TDRD12: variants seen among roughly 807,000 people sequenced by gnomAD.
TDRD12 encodes the protein tudor domain containing 12.
Under a neutral mutation model 133.5 loss-of-function variants are expected in TDRD12, and 158 were observed. The observed-to-expected ratio is 1.18, with a 90% CI of 1.04 to 1.35. The LOEUF (loss-of-function observed/expected upper bound fraction) is 1.35. TDRD12 is among the 40% of genes most tolerant of loss of function. The pLI, the probability that TDRD12 is intolerant of heterozygous loss-of-function variation, is 0.00. For synonymous variants in TDRD12, 460 were observed against 477.9 expected, an observed-to-expected ratio of 0.96 and a Z score of 0.49; for missense variants, 1,443 against 1,321.3, an observed-to-expected ratio of 1.09 and a Z score of -1.43.
intron 21 of TDRD12, among the ~76,000 whole-genome samples, chr19:32,805,498 C>T (rs1195687632): frequency 1.3e-5 from 2 of 151,936 alleles, no homozygotes; most frequent in Non-Finnish European, 2.9e-5. Context: ...AAATATCATT[C>T]GGTTCTCACT....
chr19:32,813,474 G>A (rs756131486), intron 24 of TDRD12, among the ~76,000 whole-genome samples: 56 of 152,174 alleles, frequency 3.7e-4, no homozygotes, highest in Non-Finnish European at 6.0e-4. Context: ...TCACTAGTAC[G>A]AGGCCATGGG....
chr19:32,749,982 T>G (rs1555765569), intron 6 of TDRD12, 113 bp downstream of exon 6: 1 of 780,220 alleles, frequency 1.3e-6, no homozygotes, highest in Non-Finnish European at 2.0e-6. Flanking sequence ...GAAATTGTCT[T>G]AATCTCTTAA....
At chr19:32,805,785 G>A (rs1269422441) in intron 21 of TDRD12, among the ~76,000 whole-genome samples, 1 of 143,338 alleles carries the variant, frequency 7.0e-6, no homozygotes, top group African/African-American at 2.6e-5. Flanking sequence ...AGGCTGGAGT[G>A]CAGTGGCATG....
At chr19:32,788,855 G>T (rs943602008) in intron 11 of TDRD12, among the ~76,000 whole-genome samples, 1 of 152,160 alleles carries the variant, frequency 6.6e-6, no homozygotes, top group East Asian at 1.9e-4. Flanking sequence ...CCAAGGGAAG[G>T]CTTCTCCTGT....
chr19:32,777,139 T>TC lies in TDRD12; in HGVS notation c.1041-9dup. ...ACAAATTTTAATGAATTTTTTTTTT[T>TC]CATTTCTAGTGCTTTAAGTCAGAAG... On this transcript the variant is annotated splice_polypyrimidine_tract_variant and intron_variant, in intron 10 of 27. Coordinates refer to ENST00000444215, the Ensembl canonical transcript of TDRD12. 1 of 1,521,686 alleles carries TC rather than the reference T, an allele frequency of 6.6e-7. No individual in the cohort carries two copies. Among genetic ancestry groups the TC allele is most frequent in the Admixed American group, 2.3e-5 (1 of 44,126 alleles). The allele number at this position is 1,521,686 out of a possible 1,614,324, so 94.3% of individuals were successfully genotyped here.
intron 7 of TDRD12, among the ~76,000 whole-genome samples, chr19:32,756,621 C>T (rs1970003059): frequency 6.6e-6 from 1 of 152,252 alleles, no homozygotes; most frequent in African/African-American, 2.4e-5. Flanking sequence ...ATCTCCTGAC[C>T]TCATGATCCG....
chr19:32,724,754 G>A (rs1968806297), intron 1 of TDRD12, among the ~76,000 whole-genome samples: 1 of 151,992 alleles, frequency 6.6e-6, no homozygotes, highest in African/African-American at 2.4e-5. Flanking sequence ...GGGATTGCTG[G>A]GTTTTTCTGG....
chr19:32,752,474 C>G (rs1969860567), intron 6 of TDRD12, among the ~76,000 whole-genome samples: 1 of 152,174 alleles, frequency 6.6e-6, no homozygotes, highest in Non-Finnish European at 1.5e-5. Flanking sequence ...GCCACCGTGC[C>G]TGGCCCCCTT....
intron 19 of TDRD12, 119 bp from the exon 20 acceptor site, chr19:32,802,537 G>A (rs1971428731): frequency 1.7e-6 from 2 of 1,174,028 alleles, no homozygotes; most frequent in African/African-American, 1.5e-5. Flanking sequence ...AAGTTTCTTT[G>A]CATCCAAAAA....
chr19:32,746,889 T>TGTGA (rs1969658395), intron 4 of TDRD12, among the ~76,000 whole-genome samples: 1 of 134,836 alleles, frequency 7.4e-6, no homozygotes, highest in Non-Finnish European at 1.6e-5. Flanking sequence ...TGTGTGTGTG[T>TGTGA]GAGAGAGAGA....
chr19:32,821,369 A>AGTGTGTGT (rs59054756), downstream of TDRD12: 2,282 of 351,412 alleles, frequency 6.5e-3, 12 homozygotes, highest in Non-Finnish European at 9.4e-3. Flanking sequence ...AGCTCAGCAG[A>AGTGTGTGT]GTGTGTGTGT....
intron 7 of TDRD12, 125 bp from the exon 8 acceptor site, chr19:32,756,913 C>A (rs1315536542): frequency 1.4e-6 from 1 of 721,042 alleles, no homozygotes; most frequent in South Asian, 1.8e-5. Context: ...CACCTTGTGT[C>A]CCCTAGTCAG....
intron 1 of TDRD12, 104 bp downstream of exon 1, chr19:32,720,200 T>A (rs1599810882): frequency 1.9e-6 from 2 of 1,055,604 alleles, no homozygotes; most frequent in Non-Finnish European, 2.5e-6. Flanking sequence ...CACAGCTTCC[T>A]ACACCCACCG....
intron 8 of TDRD12, among the ~76,000 whole-genome samples, chr19:32,763,389 C>T (rs976744967): frequency 1.3e-5 from 2 of 152,134 alleles, no homozygotes; most frequent in Non-Finnish European, 2.9e-5. Context: ...CCCTCAGCAT[C>T]CCTCACCTCT....
chr19:32,780,897 A>T (rs1296364858), intron 11 of TDRD12, among the ~76,000 whole-genome samples: 1 of 147,438 alleles, frequency 6.8e-6, no homozygotes, highest in Non-Finnish European at 1.5e-5. Flanking sequence ...AGCTGGGACT[A>T]CTGTCTGCCA....
rs139550363 is a variant in TDRD12, at chr19:32,760,040, C to T, written c.865+2910C>T. On this transcript the variant is annotated intron_variant, in intron 8 of 27. Coordinates refer to ENST00000444215, the Ensembl canonical transcript of TDRD12. ...GAAGGTAGCACCTGTTGTTGATGGG[C>T]ATGTATTCTTTCCATTTATATTCTT... Among the ~76,000 whole-genome samples the T allele has an allele frequency of 5.7e-3, 867 of 152,334 alleles. 9 individuals are homozygous for T. The highest frequency in any genetic ancestry group is 0.019 in the African/African-American group (798 of 41,576).
intron 8 of TDRD12, among the ~76,000 whole-genome samples, chr19:32,769,640 A>ATT (rs11330105): frequency 7.5e-5 from 11 of 147,458 alleles, no homozygotes; most frequent in African/African-American, 2.5e-4. Flanking sequence ...ATTAATTGTG[A>ATT]TTTTTTTTTT....
At chr19:32,780,088 T>C (rs1162670504) in intron 11 of TDRD12, among the ~76,000 whole-genome samples, 1 of 142,124 alleles carries the variant, frequency 7.0e-6, no homozygotes, top group African/African-American at 2.9e-5. Flanking sequence ...TCTTTTCTTT[T>C]TTTTTTTTTT....
exon 4 of TDRD12, chr19:32,742,837 G>T: frequency 6.4e-7 from 1 of 1,551,806 alleles, no homozygotes; most frequent in Non-Finnish European, 8.7e-7. Context: ...AAAAAATTCA[G>T]CCTGTACTGC....
Sources: allele counts gnomAD v4.1 joint callset (sites outside exome capture counted in the v4.1 genomes callset), GRCh38; gene constraint gnomAD v4.1.1; transcripts MANE v1.5; gene names NCBI Gene and HGNC (gene_info 2026-07-23, HGNC 2026-07-21).